The following ZNF827 variants were observed in gnomAD, a reference collection of about 807,000 sequenced individuals.
The protein encoded by ZNF827 is zinc finger protein 827.
In ZNF827, 13 loss-of-function variants were observed where a neutral mutation model predicts 102.4. The observed-to-expected ratio is 0.13, with a 90% CI of 0.08 to 0.20. The LOEUF is 0.20. Ranked by LOEUF, ZNF827 falls within the 10% of genes least tolerant of loss-of-function variation. The pLI is 1.00. For synonymous variants in ZNF827, 523 were observed against 536.2 expected (o/e 0.98, Z 0.34); for missense variants, 1,103 against 1,344.4 (o/e 0.82, Z 2.81).
intron 5 of ZNF827, among the ~76,000 whole-genome samples, chr4:145,860,817 G>T (rs1424476504): frequency 6.6e-6 from 1 of 152,204 alleles, no homozygotes. Flanking sequence ...TGATAGCGGG[G>T]AAACACTTTT....
Position 145,885,959 on chromosome 4 carries a change from T to C in ZNF827, c.1466A>G (p.Gln489Arg), listed in dbSNP as rs1471082783. 1.9e-6 allele frequency: 3 copies of C among 1,614,124 alleles called. No individual in the cohort carries two copies. Among genetic ancestry groups the C allele is most frequent in the Admixed American group, 3.3e-5 (2 of 60,020 alleles). The part of the protein sequence containing the change: ...HLSDSACLGQ[Q>R]REGGGTELVG... ...TAGCTCTGTCCCTCCTCCTTCCCTT[T>C]GCTGCCCCAGGCAGGCACTGTCACT... The change falls in exon 4 of 15, where the codon CAA (glutamine) becomes CGA (arginine). Residue 489 changes from glutamine to arginine, a missense_variant. Coordinates refer to ENST00000508784, the MANE Select transcript of ZNF827 (RefSeq NM_001306215.2).
intron 1 of ZNF827, among the ~76,000 whole-genome samples, chr4:145,914,163 C>T (rs1752504248): frequency 1.3e-5 from 2 of 151,732 alleles, no homozygotes; most frequent in Admixed American, 6.6e-5. Flanking sequence ...CAAAGAAAAA[C>T]TTCATACAGT....
At chr4:145,873,109 G>A (rs1311464108) in intron 4 of ZNF827, among the ~76,000 whole-genome samples, 1 of 151,524 alleles carries the variant, frequency 6.6e-6, no homozygotes, top group Admixed American at 6.6e-5. Flanking sequence ...CTAAGTTTTT[G>A]TATTTTTAGT....
At chr4:145,933,374 TAGTC>T (rs1376845648) in intron 1 of ZNF827, among the ~76,000 whole-genome samples, 2 of 152,310 alleles carry the variant, frequency 1.3e-5, no homozygotes, top group South Asian at 2.1e-4. Context: ...CTGCCACAGT[TAGTC>T]AGGAGGTACT....
chr4:145,886,310 A>T, intron 3 of ZNF827, 152 bp from the exon 4 acceptor site: 1 of 1,283,056 alleles, frequency 7.8e-7, no homozygotes, highest in Non-Finnish European at 1.0e-6. Flanking sequence ...CCAGGTAATG[A>T]GGCCAATCCC....
chr4:145,869,723 G>A (rs1748519678), intron 5 of ZNF827, among the ~76,000 whole-genome samples: 1 of 152,134 alleles, frequency 6.6e-6, no homozygotes, highest in Non-Finnish European at 1.5e-5. Context: ...CTTAAGAACA[G>A]ATTAATTATT....
chr4:145,923,168 A>G (rs545391295), intron 1 of ZNF827, among the ~76,000 whole-genome samples: 1 of 152,324 alleles, frequency 6.6e-6, no homozygotes, highest in Admixed American at 6.5e-5. Flanking sequence ...TGTTTTGATT[A>G]ATCATTGCAA....
chr4:145,885,550 C>T, intron 4 of ZNF827, 128 bp downstream of exon 4: 4 of 1,334,792 alleles, frequency 3.0e-6, no homozygotes, highest in Non-Finnish European at 3.9e-6. Context: ...TTTAAAGGGA[C>T]CTTGAAATCA....
chr4:145,834,541 C>G (rs1744614210), intron 7 of ZNF827, among the ~76,000 whole-genome samples: 1 of 152,162 alleles, frequency 6.6e-6, no homozygotes, highest in Non-Finnish European at 1.5e-5. Flanking sequence ...CGTTCCGTGA[C>G]TAGCCCTCCC....
chr4:145,924,643 G>T (rs1432228672), intron 1 of ZNF827, among the ~76,000 whole-genome samples: 2 of 152,126 alleles, frequency 1.3e-5, no homozygotes, highest in African/African-American at 4.8e-5. Flanking sequence ...CTGCCTACTT[G>T]AAAAGGCCAC....
chr4:145,797,738 A>G (rs1740513383), intron 8 of ZNF827, among the ~76,000 whole-genome samples: 2 of 152,204 alleles, frequency 1.3e-5, no homozygotes, highest in African/African-American at 4.8e-5. Context: ...TAAGCATTAT[A>G]CTATAATATG....
chr4:145,858,798 C>T (rs1383014372), intron 5 of ZNF827, among the ~76,000 whole-genome samples: 1 of 152,014 alleles, frequency 6.6e-6, no homozygotes, highest in African/African-American at 2.4e-5. Context: ...TTCCTTAATG[C>T]CCAAGGAGGG....
At chr4:145,841,599 A>G (rs1054561458) in intron 7 of ZNF827, among the ~76,000 whole-genome samples, 5 of 152,146 alleles carry the variant, frequency 3.3e-5, no homozygotes, top group Admixed American at 2.6e-4. Flanking sequence ...CTCAAAGGAG[A>G]CCCACAGCCT....
rs745342753 is a variant in ZNF827 at position 145,774,608 on chromosome 4, C to A, written c.2758G>T (p.Val920Leu). ...VQFVSHMSLH[V>L]DKEQWMFSIC... ...GAAAACATCCACTGCTCCTTGTCCA[C>A]GTGGAGTGACATGTGGCTGACAAAC... Residue 920 changes from valine (V) to leucine (L), a missense_variant, in exon 11 of 15, where the codon GTG becomes TTG. Around this residue, in one of 5 missense-constraint regions of ZNF827, gnomAD observed 242 missense variants for 361.9 expected, o/e 0.67. Transcript: ENST00000508784. 6.2e-7 allele frequency: 1 copy of A among 1,613,758 alleles called. No individual in the cohort carries two copies. The highest frequency in any genetic ancestry group is 2.2e-5 in the East Asian group (1 of 44,870).
chr4:145,829,591 G>T (rs1490151263), intron 7 of ZNF827, among the ~76,000 whole-genome samples: 2 of 152,196 alleles, frequency 1.3e-5, no homozygotes, highest in African/African-American at 4.8e-5. Flanking sequence ...TTAAAAACAA[G>T]CTATCTGACT....
intron 1 of ZNF827, among the ~76,000 whole-genome samples, chr4:145,917,700 CAAAAAAAAAAAAAAA>C (rs763617063): frequency 2.1e-5 from 1 of 46,856 alleles, no homozygotes; most frequent in African/African-American, 7.6e-5. Flanking sequence ...GGTAGCTGGT[CAAAAAAAAAAAAAAA>C]AAAAAAAAAA....
intron 9 of ZNF827, among the ~76,000 whole-genome samples, chr4:145,778,141 G>GT (rs992558031): frequency 6.6e-5 from 10 of 150,866 alleles, no homozygotes; most frequent in Admixed American, 1.3e-4. Flanking sequence ...AAAACTTTTT[G>GT]TTTTTTTTTG....
chr4:145,766,730 G>A (rs1420740560), intron 11 of ZNF827, among the ~76,000 whole-genome samples: 1 of 152,226 alleles, frequency 6.6e-6, no homozygotes, highest in Non-Finnish European at 1.5e-5. Context: ...AAAGCCACCT[G>A]AAAAGCTTAG....
At chr4:145,823,147 A>G (rs1167687861) in intron 8 of ZNF827, among the ~76,000 whole-genome samples, 1 of 152,220 alleles carries the variant, frequency 6.6e-6, no homozygotes, top group Admixed American at 6.5e-5. Context: ...GTTATACTTC[A>G]TTATTTTAAA....
Sources: gnomAD v4.1 joint callset for allele counts (sites outside exome capture counted in the v4.1 genomes callset) on GRCh38, gnomAD v4.1.1 for gene constraint, gnomAD v4.1.1 regional missense constraint, MANE v1.5 for transcripts, NCBI Gene and HGNC (gene_info 2026-07-23, HGNC 2026-07-21) for gene names.